Variants in SPIDR observed in about 807,000 individuals in gnomAD.
SPIDR encodes the protein scaffold protein involved in DNA repair, also known as DNA repair-scaffolding protein.
SPIDR carries 93 observed loss-of-function variants against 104.6 expected under a neutral mutation model. That is an observed-to-expected ratio of 0.89 (90% confidence interval 0.75 to 1.06). The LOEUF (loss-of-function observed/expected upper bound fraction) is 1.06, where lower values mean the gene tolerates loss of function less well. Ranked by LOEUF, SPIDR falls within the 50% of genes least tolerant of loss-of-function variation. The pLI, the probability that SPIDR is intolerant of heterozygous loss-of-function variation, is 0.00. For missense variants in SPIDR, 1,154 were observed against 1,111.2 expected (o/e 1.04, Z -0.55); for synonymous variants, 431 against 416.9 (o/e 1.03, Z -0.41).
At chr8:47,312,795 C>T (rs1448180833) in intron 5 of SPIDR, among the ~76,000 whole-genome samples, 1 of 152,138 alleles carries the variant, frequency 6.6e-6, no homozygotes, top group Non-Finnish European at 1.5e-5. Context: ...AAGTCCTTCC[C>T]CATGCCTATG....
At chr8:47,558,347 A>C (rs1390773517) in intron 8 of SPIDR, among the ~76,000 whole-genome samples, 1 of 152,224 alleles carries the variant, frequency 6.6e-6, no homozygotes, top group African/African-American at 2.4e-5. Context: ...TTTAAAAAAG[A>C]AAACAGCCAG....
chr8:47,406,310 T>C (rs536464233), intron 6 of SPIDR, among the ~76,000 whole-genome samples: 1 of 152,302 alleles, frequency 6.6e-6, no homozygotes, highest in South Asian at 2.1e-4. Flanking sequence ...ACACCACTCA[T>C]TAGACATTTC....
At chr8:47,603,948 T>G (rs551476091) in intron 10 of SPIDR, among the ~76,000 whole-genome samples, 224 of 152,326 alleles carry the variant, frequency 1.5e-3, no homozygotes, top group African/African-American at 5.3e-3. Context: ...TGTTGTATAT[T>G]TATTCCTTCT....
chr8:47,729,904 A>G (rs530588972), intron 19 of SPIDR, among the ~76,000 whole-genome samples: 2 of 152,086 alleles, frequency 1.3e-5, no homozygotes, highest in Non-Finnish European at 2.9e-5. Context: ...TTTTTAGTAG[A>G]GATGGGGTTT....
chr8:47,643,185 CT>C (rs991980799), intron 10 of SPIDR, among the ~76,000 whole-genome samples: 1 of 150,468 alleles, frequency 6.6e-6, no homozygotes, highest in Non-Finnish European at 1.5e-5. Context: ...CTGTGGGATG[CT>C]TTTTTTTTAA....
At chr8:47,725,043 G>C (rs1465954948) in intron 16 of SPIDR, among the ~76,000 whole-genome samples, 1 of 152,140 alleles carries the variant, frequency 6.6e-6, no homozygotes, top group Non-Finnish European at 1.5e-5. Flanking sequence ...CTAAACCCAG[G>C]CTCCAGCTTC....
rs1262483897 is a variant in SPIDR at position 47,601,587 on chromosome 8, T to C, written c.1544+2391T>C. Among the ~76,000 whole-genome samples, 4 of 152,112 alleles carry C rather than the reference T, an allele frequency of 2.6e-5. No individual in the cohort carries two copies. The East Asian group carries it at 5.8e-4, about 22-fold the overall frequency. ...TGCGTGCCTGCAGTCCCAGCTACTCTGGAGACTGAGGCAGAAGAATCGCTT... is the reference window on the plus strand; with the variant it reads ...TGCGTGCCTGCAGTCCCAGCTACTCCGGAGACTGAGGCAGAAGAATCGCTT... On this transcript the variant is annotated intron_variant, in intron 10 of 19. Coordinates refer to ENST00000297423, the MANE Select transcript of SPIDR (RefSeq NM_001080394.4).
At chr8:47,297,414 C>T (rs1281168467) in intron 5 of SPIDR, among the ~76,000 whole-genome samples, 4 of 152,002 alleles carry the variant, frequency 2.6e-5, no homozygotes, top group African/African-American at 9.7e-5. Context: ...CAGTTTTTAT[C>T]ATGAAATAAT....
intron 19 of SPIDR, among the ~76,000 whole-genome samples, chr8:47,731,127 G>T (rs555393109): frequency 1.3e-5 from 2 of 151,974 alleles, no homozygotes; most frequent in Admixed American, 1.3e-4. Flanking sequence ...GTGGTGGTGC[G>T]CATCTGTAAC....
chr8:47,373,657 C>T (rs1043752982), intron 5 of SPIDR, among the ~76,000 whole-genome samples: 2 of 152,108 alleles, frequency 1.3e-5, no homozygotes, highest in Non-Finnish European at 2.9e-5. Context: ...TAGATTAAGT[C>T]ATCCATCGTC....
At chr8:47,630,612 A>G (rs1346667925) in intron 10 of SPIDR, among the ~76,000 whole-genome samples, 1 of 152,170 alleles carries the variant, frequency 6.6e-6, no homozygotes, top group Non-Finnish European at 1.5e-5. Flanking sequence ...GGTGATCTGA[A>G]ACTGCCTTCT....
At chr8:47,536,023 C>G (rs2086843103) in intron 8 of SPIDR, among the ~76,000 whole-genome samples, 1 of 151,380 alleles carries the variant, frequency 6.6e-6, no homozygotes, top group Admixed American at 6.6e-5. Context: ...TAGCAATGAA[C>G]AATTAGAGAA....
intron 10 of SPIDR, among the ~76,000 whole-genome samples, chr8:47,637,424 G>C (rs2068109825): frequency 1.3e-5 from 2 of 152,116 alleles, no homozygotes; most frequent in African/African-American, 4.8e-5. Flanking sequence ...ACAAAAATTA[G>C]CTGGGCATGG....
chr8:47,698,976 AT>A, intron 11 of SPIDR, among the ~76,000 whole-genome samples: 1 of 152,204 alleles, frequency 6.6e-6, no homozygotes, highest in African/African-American at 2.4e-5. Context: ...AGGGAAATTG[AT>A]AAGCACTCTG....
intron 11 of SPIDR, among the ~76,000 whole-genome samples, chr8:47,678,251 A>G (rs181455590): frequency 1.3e-5 from 2 of 152,254 alleles, no homozygotes; most frequent in East Asian, 3.9e-4. Flanking sequence ...TTCCAGAGAA[A>G]TGAGGGTCGA....
At chr8:47,518,964 C>T (rs535145840) in intron 8 of SPIDR, among the ~76,000 whole-genome samples, 1 of 152,116 alleles carries the variant, frequency 6.6e-6, no homozygotes, top group Admixed American at 6.5e-5. Flanking sequence ...TAAAGTCTTA[C>T]GTTAGCAAAA....
intron 10 of SPIDR, among the ~76,000 whole-genome samples, chr8:47,624,757 C>T (rs1179018267): frequency 6.6e-6 from 1 of 152,090 alleles, no homozygotes; most frequent in East Asian, 1.9e-4. Flanking sequence ...ACCTTACCAA[C>T]CAAAAAAAGT....
chr8:47,494,825 C>A (rs1437789017), intron 8 of SPIDR, among the ~76,000 whole-genome samples: 1 of 152,142 alleles, frequency 6.6e-6, no homozygotes, highest in Non-Finnish European at 1.5e-5. Flanking sequence ...GCTTGCCCTG[C>A]TAGTTCTTAG....
intron 8 of SPIDR, chr8:47,511,339 C>T: frequency 8.6e-7 from 1 of 1,159,286 alleles, no homozygotes; most frequent in Middle Eastern, 1.9e-4. Context: ...AGAGATGGTA[C>T]TCAACACCTA....
Sources: gnomAD v4.1 joint callset for allele counts (sites outside exome capture counted in the v4.1 genomes callset) on GRCh38, gnomAD v4.1.1 for gene constraint, MANE v1.5 for transcripts, NCBI Gene and HGNC (gene_info 2026-07-23, HGNC 2026-07-21) for gene names.